DDI2: variants seen among roughly 807,000 people sequenced by gnomAD.
DDI2 encodes the protein protein DDI1 homolog 2.
Under a neutral mutation model 48.1 loss-of-function variants are expected in DDI2, and 5 were observed. That is an observed-to-expected ratio of 0.10 (90% confidence interval 0.05 to 0.22). The LOEUF (loss-of-function observed/expected upper bound fraction) is 0.22. Ranked by LOEUF, DDI2 falls within the 10% of genes least tolerant of loss-of-function variation. The pLI is 1.00. For missense variants in DDI2, 285 were observed against 506.2 expected (o/e 0.56, Z 4.19); for synonymous variants, 205 against 183.6 (o/e 1.12, Z -0.94).
At chr1:15,655,450 T>C (rs989611021) in intron 8 of DDI2, among the ~76,000 whole-genome samples, 52 of 142,200 alleles carry the variant, frequency 3.7e-4, no homozygotes, top group African/African-American at 1.3e-3. Flanking sequence ...AAAACACTTG[T>C]TTCTAAAAAA....
At chr1:15,656,468 G>A (rs1320232008) in intron 8 of DDI2, 149 bp from the exon 9 acceptor site, 58 of 1,531,742 alleles carry the variant, frequency 3.8e-5, no homozygotes, top group Non-Finnish European at 5.0e-5. Flanking sequence ...CAAATATTTT[G>A]GATGTCCAAA....
chr1:15,621,822 A>G (rs1292450939), intron 1 of DDI2, among the ~76,000 whole-genome samples: 1 of 152,248 alleles, frequency 6.6e-6, no homozygotes, highest in Admixed American at 6.5e-5. Flanking sequence ...ACATCCATAT[A>G]CTTAAGACTG....
chr1:15,663,144 G>C lies in DDI2; in HGVS notation c.*3354G>C, dbSNP rs1251898623. 6.6e-6 allele frequency: 1 copy of C among 152,118 alleles called. No individual in the cohort carries two copies. Among genetic ancestry groups the C allele is most frequent in the Non-Finnish European group, 1.5e-5 (1 of 68,012 alleles). The allele number at this position is 152,118 out of a possible 1,614,324, so 9.4% of individuals were successfully genotyped here. ...AAGAATTTTGAGATTCATAATTTCT[G>C]ATTCTAGATTATAGTTTGTAACATG... On this transcript the variant is annotated 3_prime_UTR_variant, in exon 10 of 10. Coordinates refer to ENST00000480945, the MANE Select transcript of DDI2 (RefSeq NM_032341.5).
chr1:15,652,754 C>T (rs1242164560), intron 8 of DDI2, among the ~76,000 whole-genome samples: 5 of 151,932 alleles, frequency 3.3e-5, no homozygotes, highest in African/African-American at 9.7e-5. Context: ...ACCCAGGGGG[C>T]GGAGCTTGCA....
At chr1:15,655,172 CT>C (rs1410714079) in intron 8 of DDI2, among the ~76,000 whole-genome samples, 1 of 152,004 alleles carries the variant, frequency 6.6e-6, no homozygotes, top group Admixed American at 6.6e-5. Context: ...CCTAAATAAC[CT>C]TTTGTTGCTG....
intron 4 of DDI2, among the ~76,000 whole-genome samples, chr1:15,636,136 G>GT (rs970439366): frequency 3.3e-5 from 5 of 152,082 alleles, no homozygotes; most frequent in Admixed American, 6.6e-5. Flanking sequence ...AGTCAGCAGA[G>GT]TTTTTTTTGT....
chr1:15,655,667 T>C (rs1379377122), intron 8 of DDI2, among the ~76,000 whole-genome samples: 3 of 150,734 alleles, frequency 2.0e-5, no homozygotes, highest in African/African-American at 7.3e-5. Context: ...GCAGGAGAAT[T>C]GCTTGAAGCC....
chr1:15,645,867 C>CA (rs562840511), intron 6 of DDI2, among the ~76,000 whole-genome samples: 32,448 of 95,406 alleles, frequency 0.34, 4,667 homozygotes, highest in African/African-American at 0.47. Flanking sequence ...GAACTCGTCT[C>CA]AAAAAAAAAA....
chr1:15,633,710 C>A, intron 4 of DDI2, 145 bp downstream of exon 4: 2 of 1,201,512 alleles, frequency 1.7e-6, no homozygotes, highest in Non-Finnish European at 2.4e-6. Flanking sequence ...TTAGGTTAGT[C>A]TCTCCTCTTT....
intron 8 of DDI2, among the ~76,000 whole-genome samples, chr1:15,655,850 G>A (rs1640264074): frequency 6.6e-6 from 1 of 151,776 alleles, no homozygotes; most frequent in South Asian, 2.1e-4. Flanking sequence ...ACTTGATCCT[G>A]GGGAGATCAA....
intron 1 of DDI2, among the ~76,000 whole-genome samples, chr1:15,623,591 T>C (rs1639705549): frequency 1.3e-5 from 2 of 151,514 alleles, no homozygotes; most frequent in South Asian, 4.2e-4. Flanking sequence ...ATTTTAGAGA[T>C]GGGGTCTTGC....
chr1:15,659,894 G>C lies in DDI2; in HGVS notation c.*104G>C. The stretch of plus-strand genomic sequence containing the variant: ...ATGTCATCATTACCAACTTCAGATG[G>C]GTTTAACCATCCCGCCCGTTCTTCA... On this transcript the variant is annotated 3_prime_UTR_variant, in exon 10 of 10. Transcript: ENST00000480945. 1.3e-6 allele frequency: 2 copies of C among 1,599,020 alleles called. No individual in the cohort carries two copies. Among genetic ancestry groups the C allele is most frequent in the Non-Finnish European group, 1.7e-6 (2 of 1,174,718 alleles).
At chr1:15,643,478 A>G (rs1319069335) in intron 5 of DDI2, 44 bp from the exon 6 acceptor site, 1 of 1,600,650 alleles carries the variant, frequency 6.2e-7, no homozygotes, top group Admixed American at 1.7e-5. Context: ...CTTCTCACAA[A>G]GTGGATTTTG....
intron 1 of DDI2, among the ~76,000 whole-genome samples, chr1:15,622,220 C>T (rs1196432741): frequency 5.2e-5 from 4 of 76,722 alleles, no homozygotes; most frequent in Non-Finnish European, 8.1e-5. Flanking sequence ...TTTTTTGAGA[C>T]GAGGTCTTGC....
rs374425147 is a variant in DDI2, at chr1:15,626,754, G to A, written c.224G>A (p.Arg75Gln). 1.1e-5 allele frequency: 17 copies of A among 1,613,988 alleles called. No individual in the cohort carries two copies. Among genetic ancestry groups the A allele is most frequent in the East Asian group, 2.2e-5 (1 of 44,896 alleles). Residue 75 changes from arginine to glutamine, a missense_variant, in exon 2 of 10, where the codon CGA (arginine) becomes CAA (glutamine). Around this residue, in one of 3 missense-constraint regions of DDI2, gnomAD observed 149 missense variants for 236.5 expected, o/e 0.63. Transcript: ENST00000480945. Reference sequence around the variant, plus strand: ...AAAGATGGGGACGTTGTGATTTTACGACAGAAGGAGAATGCAGACCCTCGA... The same window carrying A: ...AAAGATGGGGACGTTGTGATTTTACAACAGAAGGAGAATGCAGACCCTCGA... Reference protein sequence around the residue: ...GLKDGDVVILRQKENADPRPP... With the variant: ...GLKDGDVVILQQKENADPRPP...
Position 15,657,189 on chromosome 1 carries a change from A to G in DDI2, c.*46+510A>G, listed in dbSNP as rs923856596. ...GTGACTCTGAACAACAGGAACTAAGACTTTGCTTTTCCTTCTGTCTCTGGC... is the reference window on the plus strand; with the variant it reads ...GTGACTCTGAACAACAGGAACTAAGGCTTTGCTTTTCCTTCTGTCTCTGGC... On this transcript the variant is annotated intron_variant, in intron 9 of 9. Transcript: ENST00000480945. Among the ~76,000 whole-genome samples, 6 of 152,294 alleles carry G rather than the reference A, an allele frequency of 3.9e-5. No homozygotes were observed. In the South Asian group the frequency reaches 8.3e-4, roughly 21 times the overall value.
At chr1:15,657,200 C>G (rs1640285639) in intron 9 of DDI2, among the ~76,000 whole-genome samples, 1 of 152,184 alleles carries the variant, frequency 6.6e-6, no homozygotes, top group Admixed American at 6.5e-5. Flanking sequence ...CTTTGCTTTT[C>G]CTTCTGTCTC....
In DDI2 at chr1:15,661,579, A is replaced by C; in HGVS notation, c.*1789A>C. 1 of 1,613,992 alleles carries C rather than the reference A, an allele frequency of 6.2e-7. No homozygotes were observed. The highest frequency in any genetic ancestry group is 8.5e-7 in the Non-Finnish European group (1 of 1,180,016). ...AAGTCCTGCCATTCTTCCACCATTG[A>C]TTTTTCCTGCCACAGATATTGACCG... On this transcript the variant is annotated 3_prime_UTR_variant, in exon 10 of 10. Transcript: ENST00000480945.
Position 15,661,420 on chromosome 1 carries a change from T to C in DDI2, c.*1630T>C, listed in dbSNP as rs747869220. On this transcript the variant is annotated 3_prime_UTR_variant, in exon 10 of 10. Coordinates refer to ENST00000480945, the MANE Select transcript of DDI2 (RefSeq NM_032341.5). ...GCAAACTAAGTCTTTGTCATCCAAT[T>C]TCATATTGGTTAAAGACTTAGGTCA... 14 of 1,614,126 alleles carry C rather than the reference T, an allele frequency of 8.7e-6. No homozygotes were observed. The South Asian group carries it at 1.5e-4, about 18-fold the overall frequency.
Sources: allele counts gnomAD v4.1 joint callset (sites outside exome capture counted in the v4.1 genomes callset), GRCh38; gene constraint gnomAD v4.1.1; regional missense constraint gnomAD v4.1.1; transcripts MANE v1.5; gene names NCBI Gene and HGNC (gene_info 2026-07-23, HGNC 2026-07-21).